Variants in COL4A2 observed in about 807,000 individuals in gnomAD.
COL4A2 encodes collagen type IV alpha 2 chain.
Under a neutral mutation model 200.2 loss-of-function variants are expected in COL4A2, and 99 were observed. The observed-to-expected ratio is 0.49, with a 90% CI of 0.42 to 0.58. The LOEUF (loss-of-function observed/expected upper bound fraction) is 0.58, where lower values mean the gene tolerates loss of function less well. Among genes scored for constraint, COL4A2 ranks in the 20% least tolerant of loss-of-function variants. The pLI is 0.00. For missense variants in COL4A2, 1,950 were observed against 2,314.1 expected (o/e 0.84, Z 3.23); for synonymous variants, 897 against 900.6 (o/e 1.00, Z 0.07).
rs1485548577 is a variant in COL4A2 at position 110,317,728 on chromosome 13, C to T, written c.99+9605C>T. Among the ~76,000 whole-genome samples the T allele has an allele frequency of 3.9e-5, 6 of 152,212 alleles. No individual in the cohort carries two copies. The East Asian group carries it at 7.7e-4, about 20-fold the overall frequency. The stretch of plus-strand genomic sequence containing the variant: ...CCTCTCCAAGTCTGGCTTGAAACTC[C>T]GGGCCACTGGGGTAAATGCTGCTGC... On this transcript the variant is annotated intron_variant, in intron 3 of 47. Coordinates refer to ENST00000360467, the MANE Select transcript of COL4A2 (RefSeq NM_001846.4).
At chr13:110,433,570 T>C (rs992544723) in intron 11 of COL4A2, among the ~76,000 whole-genome samples, 3 of 152,252 alleles carry the variant, frequency 2.0e-5, no homozygotes, top group African/African-American at 7.2e-5. Context: ...GCTTTGTTTT[T>C]ATTTTCAGAA....
intron 7 of COL4A2, among the ~76,000 whole-genome samples, chr13:110,429,615 GC>G (rs1880598717): frequency 6.6e-6 from 1 of 152,170 alleles, no homozygotes; most frequent in Admixed American, 6.5e-5. Context: ...GGTTGACAGA[GC>G]ATTCATTTGG....
At chr13:110,401,765 G>C (rs1281747043) in intron 4 of COL4A2, among the ~76,000 whole-genome samples, 1 of 152,116 alleles carries the variant, frequency 6.6e-6, no homozygotes, top group Non-Finnish European at 1.5e-5. Context: ...ATTTATAAAT[G>C]ACAGAAATTT....
intron 30 of COL4A2, 28 bp downstream of exon 30, chr13:110,478,192 G>T (rs776150420): frequency 6.5e-7 from 1 of 1,528,116 alleles, no homozygotes; most frequent in Non-Finnish European, 8.8e-7. Context: ...CCATAAACGA[G>T]TGGGGTCCTC....
intron 20 of COL4A2, among the ~76,000 whole-genome samples, chr13:110,455,788 C>T (rs770548060): frequency 3.3e-5 from 5 of 152,184 alleles, no homozygotes; most frequent in Non-Finnish European, 5.9e-5. Context: ...TGCAAACTCC[C>T]GTGCTCTTTT....
At chr13:110,506,295 C>T (rs932979461) in intron 45 of COL4A2, 120 bp from the exon 46 acceptor site, 1 of 1,050,010 alleles carries the variant, frequency 9.5e-7, no homozygotes, top group Non-Finnish European at 1.3e-6. Flanking sequence ...TGCAGGTGCA[C>T]CAGGCCGTCC....
intron 18 of COL4A2, among the ~76,000 whole-genome samples, chr13:110,448,171 A>G (rs1270832217): frequency 1.3e-5 from 2 of 152,194 alleles, no homozygotes; most frequent in African/African-American, 2.4e-5. Flanking sequence ...GCCCACTTTG[A>G]CTTGACTCAT....
At chr13:110,474,673 CCTT>C (rs1882611933) in intron 29 of COL4A2, among the ~76,000 whole-genome samples, 2 of 122,490 alleles carry the variant, frequency 1.6e-5, no homozygotes, top group African/African-American at 2.9e-5. Context: ...TGATCACACT[CCTT>C]ACACACGTAC....
chr13:110,383,499 G>C (rs1040140224), intron 4 of COL4A2, among the ~76,000 whole-genome samples: 1 of 150,394 alleles, frequency 6.6e-6, no homozygotes, highest in Non-Finnish European at 1.5e-5. Flanking sequence ...ATCAAGAATA[G>C]ATTTTGTTGG....
At chr13:110,363,954 G>T (rs1269247723) in intron 4 of COL4A2, among the ~76,000 whole-genome samples, 1 of 152,146 alleles carries the variant, frequency 6.6e-6, no homozygotes, top group African/African-American at 2.4e-5. Context: ...GCCCGCCTCG[G>T]CCTCCCAAAG....
intron 40 of COL4A2, among the ~76,000 whole-genome samples, chr13:110,498,204 G>T (rs1482405228): frequency 6.6e-6 from 1 of 152,248 alleles, no homozygotes; most frequent in Non-Finnish European, 1.5e-5. Context: ...AAATGCACTT[G>T]TGAGTATTGG....
At chr13:110,409,414 C>T (rs1879744191) in intron 4 of COL4A2, among the ~76,000 whole-genome samples, 1 of 152,230 alleles carries the variant, frequency 6.6e-6, no homozygotes, top group African/African-American at 2.4e-5. Flanking sequence ...CAGTAATGCT[C>T]CTTGTTCCTA....
intron 4 of COL4A2, among the ~76,000 whole-genome samples, chr13:110,363,522 G>GC (rs538191368): frequency 1.6e-3 from 243 of 152,248 alleles, no homozygotes; most frequent in African/African-American, 5.5e-3. Flanking sequence ...CGGGTTGGAG[G>GC]CAGATAACGA....
intron 3 of COL4A2, among the ~76,000 whole-genome samples, chr13:110,310,465 AC>A (rs199966614): frequency 1.2e-5 from 1 of 80,182 alleles, no homozygotes; most frequent in African/African-American, 6.9e-5. Context: ...TTCTAACTCA[AC>A]CAAAAAAAAT....
intron 16 of COL4A2, among the ~76,000 whole-genome samples, chr13:110,441,928 AAAAAAAAAAAAT>A (rs1881140146): frequency 6.6e-6 from 1 of 151,202 alleles, no homozygotes; most frequent in Non-Finnish European, 1.5e-5. Context: ...AAAAATACAA[AAAAAAAAAAAAT>A]TACCTGGGTG....
chr13:110,372,065 T>C (rs11620365), intron 4 of COL4A2, among the ~76,000 whole-genome samples: 95 of 152,152 alleles, frequency 6.2e-4, no homozygotes, highest in Non-Finnish European at 8.1e-4. Context: ...ACTCAGGGGG[T>C]TTCCAATTGT....
intron 22 of COL4A2, among the ~76,000 whole-genome samples, chr13:110,460,899 A>C (rs1046968754): frequency 6.6e-6 from 1 of 152,224 alleles, no homozygotes; most frequent in Non-Finnish European, 1.5e-5. Context: ...GTAATGTTGC[A>C]AAGCACTAAA....
At chr13:110,505,624 G>A (rs1478006345) in intron 45 of COL4A2, among the ~76,000 whole-genome samples, 1 of 152,180 alleles carries the variant, frequency 6.6e-6, no homozygotes, top group Admixed American at 6.5e-5. Context: ...GGGGATAGCT[G>A]AGAAATATTC....
At chr13:110,354,685 A>C (rs1481293687) in intron 3 of COL4A2, among the ~76,000 whole-genome samples, 1 of 151,444 alleles carries the variant, frequency 6.6e-6, no homozygotes, top group Non-Finnish European at 1.5e-5. Context: ...AAAGAATTAT[A>C]AGAAGAACAT....
Sources: allele counts gnomAD v4.1 joint callset (sites outside exome capture counted in the v4.1 genomes callset), GRCh38; gene constraint gnomAD v4.1.1; transcripts MANE v1.5; gene names NCBI Gene and HGNC (gene_info 2026-07-23, HGNC 2026-07-21).